Variants in PCSK2 observed in about 807,000 individuals in gnomAD.
PCSK2 encodes proprotein convertase subtilisin/kexin type 2, also known as neuroendocrine convertase 2.
In PCSK2, 14 loss-of-function variants were observed where a neutral mutation model predicts 69.7. The ratio of observed to expected loss-of-function variants is 0.20; its 90% CI spans 0.13 to 0.31. The LOEUF is 0.31. PCSK2 is among the 10% of genes least tolerant of loss of function. The probability of loss-of-function intolerance (pLI) is 1.00; values close to 1 mark genes in which losing one functional copy is unlikely to be tolerated. For synonymous variants in PCSK2, 307 were observed against 320.7 expected, an observed-to-expected ratio of 0.96 and a Z score of 0.46; for missense variants, 544 against 842.5, an observed-to-expected ratio of 0.65 and a Z score of 4.39.
intron 2 of PCSK2, among the ~76,000 whole-genome samples, chr20:17,281,252 C>G (rs577090062): frequency 1.3e-5 from 2 of 152,214 alleles, no homozygotes; most frequent in African/African-American, 4.8e-5. Context: ...AGGCTTCTCC[C>G]TTATCGACAA....
intron 10 of PCSK2, among the ~76,000 whole-genome samples, chr20:17,458,485 C>T (rs1337619966): frequency 2.6e-5 from 4 of 152,184 alleles, no homozygotes; most frequent in Non-Finnish European, 5.9e-5. Context: ...TCCAAGGCAT[C>T]TCTAGCTTTA....
chr20:17,310,769 A>T (rs192175726), intron 2 of PCSK2, among the ~76,000 whole-genome samples: 1 of 151,578 alleles, frequency 6.6e-6, no homozygotes, highest in African/African-American at 2.4e-5. Flanking sequence ...AGGCAGGTGG[A>T]TCACGAGGTC....
intron 1 of PCSK2, among the ~76,000 whole-genome samples, chr20:17,247,082 T>G (rs1001295504): frequency 2.0e-5 from 3 of 152,162 alleles, no homozygotes; most frequent in African/African-American, 7.2e-5. Flanking sequence ...CTACTTGACT[T>G]GGAAGGAGAA....
intron 2 of PCSK2, among the ~76,000 whole-genome samples, chr20:17,302,071 C>T (rs767620426): frequency 3.3e-5 from 5 of 152,084 alleles, no homozygotes; most frequent in East Asian, 1.9e-4. Flanking sequence ...AAAAATCACA[C>T]GTTTTGTCTA....
intron 5 of PCSK2, among the ~76,000 whole-genome samples, chr20:17,386,309 T>G (rs2031231854): frequency 6.6e-6 from 1 of 152,204 alleles, no homozygotes; most frequent in African/African-American, 2.4e-5. Context: ...GGTAACATTA[T>G]TCACAATAGC....
At chr20:17,351,924 T>C (rs1204330033) in intron 2 of PCSK2, among the ~76,000 whole-genome samples, 2 of 152,184 alleles carry the variant, frequency 1.3e-5, no homozygotes, top group Non-Finnish European at 2.9e-5. Flanking sequence ...TCTTCATTTA[T>C]GATATGATTC....
At chr20:17,231,079 C>T (rs73258003) in intron 1 of PCSK2, among the ~76,000 whole-genome samples, 1 of 152,052 alleles carries the variant, frequency 6.6e-6, no homozygotes, top group African/African-American at 2.4e-5. Flanking sequence ...ATTGAAGCAA[C>T]CTGTTGAAGA....
intron 1 of PCSK2, among the ~76,000 whole-genome samples, chr20:17,235,890 G>GT (rs1335401680): frequency 1.3e-5 from 2 of 151,986 alleles, no homozygotes; most frequent in African/African-American, 4.8e-5. Flanking sequence ...CATGAATACC[G>GT]TGAGTGGACA....
chr20:17,340,159 T>C (rs1289225443), intron 2 of PCSK2, among the ~76,000 whole-genome samples: 1 of 152,206 alleles, frequency 6.6e-6, no homozygotes, highest in Non-Finnish European at 1.5e-5. Context: ...TTGAAGCTTT[T>C]AGAGTAAACA....
chr20:17,434,932 A>G (rs1359196714), intron 7 of PCSK2, among the ~76,000 whole-genome samples: 1 of 152,214 alleles, frequency 6.6e-6, no homozygotes, highest in Non-Finnish European at 1.5e-5. Flanking sequence ...TTTTAAATAA[A>G]TAAAAACATA....
intron 2 of PCSK2, among the ~76,000 whole-genome samples, chr20:17,303,437 AATATAAT>A (rs530874623): frequency 0.29 from 26,764 of 92,520 alleles, 4,211 homozygotes; most frequent in Middle Eastern, 0.36. Flanking sequence ...TTTAATATAT[AATATAAT>A]ATATATTATA....
chr20:17,381,222 A>G (rs2031078362), intron 5 of PCSK2, among the ~76,000 whole-genome samples: 1 of 152,234 alleles, frequency 6.6e-6, no homozygotes, highest in Non-Finnish European at 1.5e-5. Flanking sequence ...CAATAATTAA[A>G]ACCTGAAGCC....
intron 11 of PCSK2, among the ~76,000 whole-genome samples, chr20:17,474,148 T>G (rs1300320239): frequency 6.6e-6 from 1 of 152,202 alleles, no homozygotes; most frequent in Non-Finnish European, 1.5e-5. Context: ...CACTGGGCTA[T>G]GCACCACCCC....
At chr20:17,275,040 A>G (rs1001616096) in intron 2 of PCSK2, among the ~76,000 whole-genome samples, 2 of 149,728 alleles carry the variant, frequency 1.3e-5, no homozygotes, top group Non-Finnish European at 3.0e-5. Context: ...AACCATAATC[A>G]TTAGGAGTTG....
intron 5 of PCSK2, among the ~76,000 whole-genome samples, chr20:17,383,069 GTCTTGTTCACC>G (rs1185949008): frequency 6.6e-6 from 1 of 152,198 alleles, no homozygotes; most frequent in African/African-American, 2.4e-5. Context: ...GATCTGACCT[GTCTTGTTCACC>G]TCTTTATCCG....
intron 2 of PCSK2, among the ~76,000 whole-genome samples, chr20:17,340,823 A>C (rs902271592): frequency 3.3e-5 from 5 of 152,136 alleles, no homozygotes; most frequent in Admixed American, 2.0e-4. Flanking sequence ...TTATTTTTAA[A>C]TGAGATAAGC....
intron 7 of PCSK2, among the ~76,000 whole-genome samples, chr20:17,435,732 T>C (rs570686292): frequency 6.6e-6 from 1 of 152,142 alleles, no homozygotes. Flanking sequence ...CTAAGCTCCA[T>C]GCCACAGAAT....
chr20:17,338,181 G>GA (rs1990411054), intron 2 of PCSK2, among the ~76,000 whole-genome samples: 1 of 142,374 alleles, frequency 7.0e-6, no homozygotes, highest in South Asian at 2.3e-4. Flanking sequence ...TGGGGGGGGG[G>GA]GTTGTGTTTT....
Position 17,388,274 on chromosome 20 carries a change from G to A in PCSK2, c.543+18997G>A, listed in dbSNP as rs183026341. ...AAGGGAAGCTTCAGGGTGGCAGGGA[G>A]GGGGAATAACATGCCTAGATTTGGC... On this transcript the variant is annotated intron_variant, in intron 5 of 11. Coordinates refer to ENST00000262545, the MANE Select transcript of PCSK2 (RefSeq NM_002594.5). 8.8e-3 allele frequency among the ~76,000 whole-genome samples: 1,342 copies of A among 152,262 alleles called. 15 individuals carry two copies. Among genetic ancestry groups the A allele is most frequent in the South Asian group, 0.037 (177 of 4,816 alleles).
Sources: gnomAD v4.1 joint callset for allele counts (sites outside exome capture counted in the v4.1 genomes callset) on GRCh38, gnomAD v4.1.1 for gene constraint, MANE v1.5 for transcripts, NCBI Gene and HGNC (gene_info 2026-07-23, HGNC 2026-07-21) for gene names.